IL16: variants seen among roughly 807,000 people sequenced by gnomAD.
IL16 encodes the protein interleukin 16, also known as pro-interleukin-16.
IL16 carries 67 observed loss-of-function variants against 110.1 expected under a neutral mutation model. That is an observed-to-expected ratio of 0.61 (90% CI 0.50 to 0.75). IL16 has a LOEUF of 0.75. Ranked by LOEUF, IL16 falls within the 30% of genes least tolerant of loss-of-function variation. The pLI, the probability that IL16 is intolerant of heterozygous loss-of-function variation, is 0.00. For missense variants in IL16, 1,545 were observed against 1,655.0 expected, an observed-to-expected ratio of 0.93 and a Z score of 1.15; for synonymous variants, 689 against 662.9, an observed-to-expected ratio of 1.04 and a Z score of -0.61.
chr15:81,245,724 C>CTTTTTTTTTTTTTTTTTTTTTTTTTT lies in IL16; in HGVS notation c.313-14024_313-14023insTTTTTTTTTTTTTTTTTTTTTTTTTT, dbSNP rs1009292228. On this transcript the variant is annotated intron_variant, in intron 2 of 18. Coordinates refer to ENST00000683961, the MANE Select transcript of IL16 (RefSeq NM_172217.5). ...TAGAGAGATCAGACTTTTGTTTTGG[C>CTTTTTTTTTTTTTTTTTTTTTTTTTT]TTTTTTTTTTTTTTTTTTTTTTTTG... Among the ~76,000 whole-genome samples the CTTTTTTTTTTTTTTTTTTTTTTTTTT allele has an allele frequency of 4.9e-5, 3 of 61,282 alleles. 1 individual carries two copies. The highest frequency in any genetic ancestry group is 1.4e-4 in the African/African-American group (2 of 14,670). The allele number at this position is 61,282 out of a possible 152,430, so 40.2% of individuals were successfully genotyped here. A position where few individuals can be genotyped will look rare whatever the true frequency, so the allele number is the denominator to read the frequency against.
At chr15:81,256,310 C>A (rs933628111) in intron 2 of IL16, among the ~76,000 whole-genome samples, 1 of 149,784 alleles carries the variant, frequency 6.7e-6, no homozygotes, top group African/African-American at 2.5e-5. Context: ...ACAGGTATAC[C>A]TATGTCACAA....
At chr15:81,183,534 T>C (rs1481712513) in intron 1 of IL16, among the ~76,000 whole-genome samples, 1 of 152,230 alleles carries the variant, frequency 6.6e-6, no homozygotes, top group Admixed American at 6.5e-5. Context: ...CTGCCCAACT[T>C]TTAAAGTTAA....
chr15:81,271,661 T>C (rs886558011), intron 5 of IL16, among the ~76,000 whole-genome samples: 7 of 152,222 alleles, frequency 4.6e-5, no homozygotes, highest in African/African-American at 1.7e-4. Context: ...GGTGAGACTT[T>C]GAGTCTAGAG....
intron 16 of IL16, among the ~76,000 whole-genome samples, chr15:81,304,966 A>C (rs975938476): frequency 6.6e-6 from 1 of 152,210 alleles, no homozygotes; most frequent in African/African-American, 2.4e-5. Context: ...AGGCAGAGAC[A>C]TGAGATATTT....
chr15:81,261,157 C>T (rs1330031227), intron 3 of IL16, among the ~76,000 whole-genome samples: 1 of 152,206 alleles, frequency 6.6e-6, no homozygotes, highest in Non-Finnish European at 1.5e-5. Context: ...ACCAGCTATA[C>T]AATTGGTAGG....
At position 81,292,932 on chromosome 15, in the gene IL16, T is replaced by A; in HGVS notation, c.1797T>A (p.Pro599=). 6.2e-7 allele frequency: 1 copy of A among 1,614,126 alleles called. No individual in the cohort carries two copies. Among genetic ancestry groups the A allele is most frequent in the Non-Finnish European group, 8.5e-7 (1 of 1,180,018 alleles). ...AGCCTATGTCCTCCAAGCCCAAGCCTCCACCCAGAAAATACTTTAAAAGTG... is the reference window on the plus strand; with the variant it reads ...AGCCTATGTCCTCCAAGCCCAAGCCACCACCCAGAAAATACTTTAAAAGTG... The part of the protein sequence containing the change: ...VRKPMSSKPK[P]PPRKYFKSDS... The change falls in exon 12 of 19, where the codon CCT becomes CCA. Residue 599 remains proline, a synonymous_variant. Coordinates refer to ENST00000683961, the MANE Select transcript of IL16 (RefSeq NM_172217.5).
intron 13 of IL16, among the ~76,000 whole-genome samples, chr15:81,298,540 C>A (rs1340958819): frequency 6.6e-6 from 1 of 152,218 alleles, no homozygotes; most frequent in Non-Finnish European, 1.5e-5. Flanking sequence ...TCATCACATT[C>A]CCAACACCCA....
chr15:81,261,472 C>T (rs1898154138), intron 3 of IL16, among the ~76,000 whole-genome samples: 1 of 152,194 alleles, frequency 6.6e-6, no homozygotes, highest in Admixed American at 6.5e-5. Flanking sequence ...GTTTCTTCCT[C>T]TGCTCCCCCA....
rs144885108 is a variant in IL16, at chr15:81,208,447, C to T, written c.-102+11295C>T. ...GTTCCAGCGATTCTCTTGCCTCAGC[C>T]TCCAGAGTAGCTGGGATTACAGGTG... On this transcript the variant is annotated intron_variant, in intron 1 of 18. Coordinates refer to ENST00000683961, the MANE Select transcript of IL16 (RefSeq NM_172217.5). Among the ~76,000 whole-genome samples, 315 of 152,318 alleles carry T rather than the reference C, an allele frequency of 2.1e-3. 2 individuals carry two copies. The highest frequency in any genetic ancestry group is 7.4e-3 in the African/African-American group (306 of 41,574).
chr15:81,301,210 C>A, intron 14 of IL16, 134 bp from the exon 15 acceptor site: 1 of 656,838 alleles, frequency 1.5e-6, no homozygotes, highest in Non-Finnish European at 2.6e-6. Flanking sequence ...CTAGTATCTA[C>A]TCATAGATTT....
At position 81,311,016 on chromosome 15, in the gene IL16, G is replaced by T. The variant is rs1900826115; in HGVS notation, c.*2218G>T. ...CCACTGAAGATATAACTATTGCCCA[G>T]GTTTCTGGTCTCTAGGCTGGGGAAG... On this transcript the variant is annotated 3_prime_UTR_variant, in exon 19 of 19. Transcript: ENST00000683961. The T allele has an allele frequency of 1.3e-5, 2 of 152,196 alleles. No homozygotes were observed. Among genetic ancestry groups the T allele is most frequent in the Non-Finnish European group, 2.9e-5 (2 of 68,040 alleles). The allele number at this position is 152,196 out of a possible 1,614,324, so 9.4% of individuals were successfully genotyped here. A position where few individuals can be genotyped will look rare whatever the true frequency, so the allele number is the denominator to read the frequency against.
At chr15:81,192,961 A>T (rs953284934), upstream of IL16, among the ~76,000 whole-genome samples, 3 of 152,218 alleles carry the variant, frequency 2.0e-5, no homozygotes, top group African/African-American at 7.2e-5. Context: ...TTATTCTGGC[A>T]GGCACTGTTC....
Position 81,208,520 on chromosome 15 carries a change from G to A in IL16, c.-102+11368G>A, listed in dbSNP as rs984355715. 3.9e-4 allele frequency among the ~76,000 whole-genome samples: 60 copies of A among 152,144 alleles called. 1 individual carries two copies. Among genetic ancestry groups the A allele is most frequent in the African/African-American group, 1.3e-3 (55 of 41,416 alleles). ...TTTTAAAATATTTTTAGTAGAGATG[G>A]GGTTTCACCGTGTTGGCTGAGCTAG... is the stretch of plus-strand genomic sequence containing the variant. On this transcript the variant is annotated intron_variant, in intron 1 of 18. Coordinates refer to ENST00000683961, the MANE Select transcript of IL16 (RefSeq NM_172217.5).
Position 81,279,470 on chromosome 15 carries a change from A to G in IL16, c.865-88A>G, listed in dbSNP as rs1294969646. ...ACATTTATATTTCATACACATACAC[A>G]CACACAGAGGTGTGTTTCCTTAAAC... On this transcript the variant is annotated intron_variant, in intron 7 of 18. Coordinates refer to ENST00000683961, the MANE Select transcript of IL16 (RefSeq NM_172217.5). The G allele has an allele frequency of 8.3e-6, 7 of 840,014 alleles. No homozygotes were observed. The Admixed American group carries it at 9.6e-5, about 12-fold the overall frequency. 52.0% of individuals were successfully genotyped at this position (840,014 alleles called of 1,614,324 possible).
chr15:81,283,742 A>C (rs1899303498), intron 9 of IL16, among the ~76,000 whole-genome samples: 1 of 152,204 alleles, frequency 6.6e-6, no homozygotes, highest in Non-Finnish European at 1.5e-5. Flanking sequence ...ACCATGGTTC[A>C]CACCTATAAT....
Position 81,285,820 on chromosome 15 carries a change from C to T in IL16, c.1322C>T (p.Pro441Leu). The change falls in exon 10 of 19, where the codon CCA becomes CTA. Residue 441 changes from proline (P) to leucine (L), a missense_variant. Around this residue, in one of 3 missense-constraint regions of IL16, gnomAD observed 1,185 missense variants for 1,238.8 expected, o/e 0.96. Transcript: ENST00000683961. ...GPVPIIVSRH[P>L]DPQVSEQQLK... is the part of the protein sequence containing the mutation. ...GTCCCCATCATTGTTAGCCGACATCCAGACCCACAGGTAACACCCACTGGG... is the reference window on the plus strand; with the variant it reads ...GTCCCCATCATTGTTAGCCGACATCTAGACCCACAGGTAACACCCACTGGG... 1.2e-6 allele frequency: 2 copies of T among 1,614,196 alleles called. No individual in the cohort carries two copies. The highest frequency in any genetic ancestry group is 1.7e-6 in the Non-Finnish European group (2 of 1,180,012).
intron 7 of IL16, 47 bp downstream of exon 7, chr15:81,278,937 C>G (rs370783510): frequency 1.6e-6 from 2 of 1,257,802 alleles, no homozygotes; most frequent in Non-Finnish European, 2.3e-6. Flanking sequence ...GGCCTTCAGG[C>G]AAAGAAACCA....
rs186913247 is a variant in IL16 at position 81,226,076 on chromosome 15, C to A, written c.312+365C>A. ...GGCCAAATCACATCTTTCTTGTAGA[C>A]TTATAGAAACAGACTTATAGGGCCT... On this transcript the variant is annotated intron_variant, in intron 2 of 18. Transcript: ENST00000683961. Among the ~76,000 whole-genome samples, 171 of 152,280 alleles carry A rather than the reference C, an allele frequency of 1.1e-3. 2 individuals carry two copies. Among genetic ancestry groups the A allele is most frequent in the East Asian group, 2.3e-3 (12 of 5,182 alleles).
chr15:81,187,850 C>G (rs1462658105), intron 1 of IL16, among the ~76,000 whole-genome samples: 1 of 152,182 alleles, frequency 6.6e-6, no homozygotes, highest in Non-Finnish European at 1.5e-5. Flanking sequence ...GATAAGAAAG[C>G]AGCACCAAGC....
Sources: allele counts gnomAD v4.1 joint callset (sites outside exome capture counted in the v4.1 genomes callset), GRCh38; gene constraint gnomAD v4.1.1; regional missense constraint gnomAD v4.1.1; transcripts MANE v1.5; gene names NCBI Gene and HGNC (gene_info 2026-07-23, HGNC 2026-07-21).